The following DDAH1 variants were observed in gnomAD, a reference collection of about 807,000 sequenced individuals.
The protein encoded by DDAH1 is dimethylarginine dimethylaminohydrolase 1.
Under a neutral mutation model 28.8 loss-of-function variants are expected in DDAH1, and 19 were observed. That is an observed-to-expected ratio of 0.66 (90% confidence interval 0.46 to 0.97). The LOEUF (loss-of-function observed/expected upper bound fraction) is 0.97, where lower values mean the gene tolerates loss of function less well. DDAH1 is among the 50% of genes least tolerant of loss of function. DDAH1 has a pLI of 0.00. For synonymous variants in DDAH1, 153 were observed against 154.4 expected (o/e 0.99, Z 0.07); for missense variants, 326 against 375.9 (o/e 0.87, Z 1.10).
rs35259175 is a variant in DDAH1, at chr1:85,570,364, TCA to T, written c.-123+7618_-123+7619del. Among the ~76,000 whole-genome samples, 1,346 of 145,538 alleles carry T rather than the reference TCA, an allele frequency of 9.2e-3. 14 individuals are homozygous for T. The highest frequency in any genetic ancestry group is 0.053 in the East Asian group (260 of 4,902). ...CCTCCCTTCTCCAGCACACACACTG[TCA>T]CACACACACACACACACACACACAC... On this transcript the variant is annotated intron_variant, in intron 1 of 6. Transcript: ENST00000426972.
chr1:85,455,803 T>C (rs994728602), intron 1 of DDAH1, among the ~76,000 whole-genome samples: 31 of 152,228 alleles, frequency 2.0e-4, no homozygotes, highest in Admixed American at 2.0e-3. Context: ...AAAAATTACT[T>C]GTCAAATGTG....
At chr1:85,498,080 A>T (rs1047748363) in intron 1 of DDAH1, among the ~76,000 whole-genome samples, 1 of 152,196 alleles carries the variant, frequency 6.6e-6, no homozygotes, top group Non-Finnish European at 1.5e-5. Flanking sequence ...GAGCCTTTAA[A>T]ATACAGTCTT....
chr1:85,497,553 C>A (rs149434111), intron 1 of DDAH1, among the ~76,000 whole-genome samples: 33 of 152,256 alleles, frequency 2.2e-4, no homozygotes, highest in African/African-American at 7.5e-4. Context: ...TTTAGATAAT[C>A]TTTCTGATCT....
At chr1:85,486,399 T>C (rs375651661) in intron 2 of DDAH1, among the ~76,000 whole-genome samples, 29 of 152,316 alleles carry the variant, frequency 1.9e-4, no homozygotes, top group African/African-American at 6.5e-4. Context: ...GGAGAATTGT[T>C]CTGACAGAAT....
chr1:85,443,511 C>A (rs1168843283), intron 1 of DDAH1, among the ~76,000 whole-genome samples: 1 of 152,160 alleles, frequency 6.6e-6, no homozygotes, highest in African/African-American at 2.4e-5. Flanking sequence ...GCAATGGGGG[C>A]TCTTTGTTGG....
At chr1:85,479,153 G>GTTTTTC (rs1655901884) in intron 2 of DDAH1, among the ~76,000 whole-genome samples, 24 of 124,204 alleles carry the variant, frequency 1.9e-4, no homozygotes, top group Admixed American at 3.2e-4. Context: ...CCTCCCTTCT[G>GTTTTTC]TTTTTCTTTT....
rs201961270 is a variant in DDAH1, at chr1:85,500,163, C to T, written c.-122-3882G>A. ...CTTTCTTTCTTTTCTTTCTTTCTTT[C>T]TCTTTTTTCCTTCCTTCCTTCATCT... On this transcript the variant is annotated intron_variant, in intron 1 of 6. Coordinates refer to the DDAH1 transcript ENST00000426972. Among the ~76,000 whole-genome samples, 287 of 50,130 alleles carry T rather than the reference C, an allele frequency of 5.7e-3. 1 individual carries two copies. The highest frequency in any genetic ancestry group is 0.015 in the African/African-American group (250 of 16,690). The allele number at this position is 50,130 out of a possible 152,430, so 32.9% of individuals were successfully genotyped here.
intron 1 of DDAH1, among the ~76,000 whole-genome samples, chr1:85,555,056 T>A (rs574251071): frequency 6.6e-6 from 1 of 152,354 alleles, no homozygotes; most frequent in South Asian, 2.1e-4. Flanking sequence ...CATTTTTCAG[T>A]AGTTTATCTG....
At chr1:85,419,274 C>T (rs559773483) in intron 1 of DDAH1, among the ~76,000 whole-genome samples, 1 of 152,100 alleles carries the variant, frequency 6.6e-6, no homozygotes, top group Admixed American at 6.5e-5. Context: ...AAGTGTGGCT[C>T]ACATCTGTAA....
intron 1 of DDAH1, among the ~76,000 whole-genome samples, chr1:85,417,833 CCT>C (rs1557604652): frequency 6.6e-6 from 1 of 151,964 alleles, no homozygotes; most frequent in South Asian, 2.1e-4. Context: ...TGAAAAATAC[CCT>C]GATTTGAAAA....
chr1:85,477,492 C>T (rs1655842701), intron 2 of DDAH1, among the ~76,000 whole-genome samples: 1 of 152,102 alleles, frequency 6.6e-6, no homozygotes, highest in Admixed American at 6.5e-5. Context: ...AAAACATTAT[C>T]TACCGAAAAT....
At chr1:85,335,736 T>C (rs887669854) in intron 4 of DDAH1, among the ~76,000 whole-genome samples, 4 of 151,838 alleles carry the variant, frequency 2.6e-5, no homozygotes, top group African/African-American at 9.7e-5. Flanking sequence ...TTGAGGTGGG[T>C]GGATCACTTG....
chr1:85,498,868 A>T (rs1187912943), intron 1 of DDAH1, among the ~76,000 whole-genome samples: 1 of 152,050 alleles, frequency 6.6e-6, no homozygotes, highest in Non-Finnish European at 1.5e-5. Flanking sequence ...GTTGCAGTGA[A>T]CAGAGATCAC....
intron 4 of DDAH1, among the ~76,000 whole-genome samples, chr1:85,347,567 G>A (rs1648939223): frequency 6.6e-6 from 1 of 151,960 alleles, no homozygotes; most frequent in African/African-American, 2.4e-5. Flanking sequence ...ATTGAACAAT[G>A]AGAACACTTG....
intron 1 of DDAH1, among the ~76,000 whole-genome samples, chr1:85,459,347 G>C (rs927362362): frequency 6.6e-6 from 1 of 152,180 alleles, no homozygotes; most frequent in Non-Finnish European, 1.5e-5. Context: ...TCAGCTAATA[G>C]TATCTAATAG....
intron 1 of DDAH1, among the ~76,000 whole-genome samples, chr1:85,361,158 C>G (rs892515752): frequency 6.6e-6 from 1 of 152,222 alleles, no homozygotes; most frequent in Non-Finnish European, 1.5e-5. Context: ...TTGGGAACCA[C>G]ACACTCTTGG....
At chr1:85,389,655 C>G (rs1651449057) in intron 1 of DDAH1, among the ~76,000 whole-genome samples, 1 of 152,166 alleles carries the variant, frequency 6.6e-6, no homozygotes, top group Non-Finnish European at 1.5e-5. Flanking sequence ...TGTACGGGGA[C>G]TGGCACAGTG....
rs192772675 is a variant in DDAH1, at chr1:85,434,320, A to C, written c.303+30423T>G. ...GCCTCCTTACCAGATTTTTATGTAC[A>C]CTTGAGTCTGTTCCATGACTATGAC... On this transcript the variant is annotated intron_variant, in intron 1 of 5. Transcript: ENST00000284031. 5.1e-4 allele frequency among the ~76,000 whole-genome samples: 78 copies of C among 152,068 alleles called. No individual in the cohort carries two copies. In the East Asian group the frequency reaches 0.014, roughly 28 times the overall value.
chr1:85,558,956 A>G (rs1659063935), intron 1 of DDAH1, among the ~76,000 whole-genome samples: 1 of 152,234 alleles, frequency 6.6e-6, no homozygotes, highest in Non-Finnish European at 1.5e-5. Flanking sequence ...AGGATATACT[A>G]TAATTTATTA....
Sources: gnomAD v4.1 joint callset for allele counts (sites outside exome capture counted in the v4.1 genomes callset) on GRCh38, gnomAD v4.1.1 for gene constraint, MANE v1.5 for transcripts, NCBI Gene and HGNC (gene_info 2026-07-23, HGNC 2026-07-21) for gene names.